KIAA2012: variants seen among roughly 807,000 people sequenced by gnomAD.
KIAA2012 encodes the protein uncharacterized protein KIAA2012.
In KIAA2012, 125 loss-of-function variants were observed where a neutral mutation model predicts 150.6. The observed-to-expected ratio is 0.83, with a 90% CI of 0.72 to 0.96. The LOEUF is 0.96. KIAA2012 is among the 40% of genes least tolerant of loss of function. The pLI, the probability that KIAA2012 is intolerant of heterozygous loss-of-function variation, is 0.00. For missense variants in KIAA2012, 1,219 were observed against 1,354.9 expected (o/e 0.90, Z 1.57); for synonymous variants, 462 against 504.7 (o/e 0.92, Z 1.13).
chr2:202,074,988 C>G lies in KIAA2012; in HGVS notation c.182C>G (p.Pro61Arg). ...CAGCACTCCTGGAGCCTCTTTCTCC[C>G]TAAAACTTTCAGTACTAGAAAGGGT... The part of the protein sequence containing the change: ...ASQHSWSLFL[P>R]KTFSTRKGAL... The change falls in exon 2 of 24, where the codon CCT (proline) becomes CGT (arginine). Residue 61 changes from proline to arginine, a missense_variant. Pro to Arg is a moderately radical substitution (Grantham distance 103). Coordinates refer to ENST00000498697, the MANE Select transcript of KIAA2012 (RefSeq NM_001277372.4). The G allele has an allele frequency of 6.4e-7, 1 of 1,550,790 alleles. No individual in the cohort carries two copies. The highest frequency in any genetic ancestry group is 8.7e-7 in the Non-Finnish European group (1 of 1,147,020).
chr2:202,089,814 G>C (rs145734813), intron 2 of KIAA2012, among the ~76,000 whole-genome samples: 76 of 152,348 alleles, frequency 5.0e-4, no homozygotes, highest in African/African-American at 1.6e-3. Flanking sequence ...CTGGGTGGAT[G>C]AAAATGTTCT....
chr2:202,168,595 G>A (rs1418697099), intron 15 of KIAA2012, among the ~76,000 whole-genome samples: 2 of 152,052 alleles, frequency 1.3e-5, no homozygotes, highest in Admixed American at 6.6e-5. Context: ...AGTCTGGGTG[G>A]CATAAGGGGT....
intron 2 of KIAA2012, among the ~76,000 whole-genome samples, chr2:202,086,215 A>G (rs1399446029): frequency 6.7e-6 from 1 of 150,334 alleles, no homozygotes; most frequent in Admixed American, 6.6e-5. Flanking sequence ...AGAAATGCCC[A>G]CTAATGAGAA....
chr2:202,100,555 A>G (rs1690017317), intron 7 of KIAA2012, 106 bp downstream of exon 7: 11 of 1,299,548 alleles, frequency 8.5e-6, no homozygotes, highest in Admixed American at 8.1e-5. Context: ...GATGTCTCAA[A>G]AGAGAACTGG....
intron 12 of KIAA2012, among the ~76,000 whole-genome samples, chr2:202,133,114 A>ATTT (rs1690992605): frequency 2.3e-5 from 2 of 85,322 alleles, no homozygotes; most frequent in African/African-American, 5.2e-5. Flanking sequence ...AAAAAAATAT[A>ATTT]TATATATATA....
chr2:202,201,364 A>C (rs182377472), intron 22 of KIAA2012: 364 of 1,584,514 alleles, frequency 2.3e-4, no homozygotes, highest in Admixed American at 6.5e-4. Flanking sequence ...CCCGGCACAA[A>C]GGTGGCCTTG....
intron 11 of KIAA2012, among the ~76,000 whole-genome samples, chr2:202,117,554 T>G (rs942673941): frequency 2.6e-5 from 4 of 152,184 alleles, no homozygotes; most frequent in Non-Finnish European, 5.9e-5. Context: ...AAGAAAAAAC[T>G]CTGGTTTTAT....
intron 2 of KIAA2012, among the ~76,000 whole-genome samples, chr2:202,088,958 C>A (rs911588524): frequency 6.6e-6 from 1 of 152,170 alleles, no homozygotes; most frequent in Non-Finnish European, 1.5e-5. Context: ...GCAGAGCAGG[C>A]CTTGAGCCCA....
intron 13 of KIAA2012, among the ~76,000 whole-genome samples, chr2:202,154,043 C>T (rs879486643): frequency 6.6e-6 from 1 of 152,212 alleles, no homozygotes; most frequent in African/African-American, 2.4e-5. Flanking sequence ...TGAAATGTGA[C>T]ACCCTTTGTA....
chr2:202,191,233 C>T (rs953099078), intron 19 of KIAA2012, among the ~76,000 whole-genome samples: 1 of 151,992 alleles, frequency 6.6e-6, no homozygotes, highest in African/African-American at 2.4e-5. Context: ...GCCGAGATCA[C>T]ACCACTGCAC....
rs761902625 is a variant in KIAA2012, at chr2:202,190,509, C to T, written c.2811+16C>T. ...CCCTTCCAAGGTAGGGTCTGATGTCCTCAGCTTGACAGAGGAAGTTCTGTT... is the reference window on the plus strand; with the variant it reads ...CCCTTCCAAGGTAGGGTCTGATGTCTTCAGCTTGACAGAGGAAGTTCTGTT... On this transcript the variant is annotated intron_variant, in intron 19 of 23. Coordinates refer to ENST00000498697, the MANE Select transcript of KIAA2012 (RefSeq NM_001277372.4). 3.4e-6 allele frequency: 5 copies of T among 1,467,956 alleles called. No individual in the cohort carries two copies. In the South Asian group the frequency reaches 5.6e-5, roughly 17 times the overall value. 90.9% of individuals were successfully genotyped at this position (1,467,956 alleles called of 1,614,324 possible).
At chr2:202,139,234 G>GAAAA (rs112360052) in intron 13 of KIAA2012, among the ~76,000 whole-genome samples, 15 of 116,364 alleles carry the variant, frequency 1.3e-4, no homozygotes, top group Admixed American at 3.5e-4. Context: ...CCTGTCTCAG[G>GAAAA]AAAAAAAAAA....
chr2:202,122,550 G>C (rs1160940918), intron 11 of KIAA2012, among the ~76,000 whole-genome samples: 2 of 148,988 alleles, frequency 1.3e-5, no homozygotes, highest in Non-Finnish European at 3.0e-5. Flanking sequence ...GCCCAGGCTG[G>C]AGTGCAGTGG....
At chr2:202,175,608 A>C (rs1691975599) in intron 15 of KIAA2012, among the ~76,000 whole-genome samples, 1 of 152,222 alleles carries the variant, frequency 6.6e-6, no homozygotes, top group Non-Finnish European at 1.5e-5. Flanking sequence ...GGTGCCCTCC[A>C]TGAACCAGAA....
At chr2:202,088,317 C>A (rs1248847760) in intron 2 of KIAA2012, among the ~76,000 whole-genome samples, 2 of 152,164 alleles carry the variant, frequency 1.3e-5, no homozygotes, top group Non-Finnish European at 2.9e-5. Context: ...AGTCTCCCAC[C>A]ACCTGGACAA....
In KIAA2012 at chr2:202,081,683, G is replaced by C. The variant is rs1242560950; in HGVS notation, c.369+6508G>C. On this transcript the variant is annotated intron_variant, in intron 2 of 23. Transcript: ENST00000498697. ...CTGCCTCAGCCTCCCTAGTAGCTGG[G>C]ATTACAGGCATGCACCACCACACCC... 6.6e-5 allele frequency among the ~76,000 whole-genome samples: 10 copies of C among 152,016 alleles called. No individual in the cohort carries two copies. In the East Asian group the frequency reaches 1.9e-3, roughly 29 times the overall value.
chr2:202,080,046 C>A (rs1689411486), intron 2 of KIAA2012, among the ~76,000 whole-genome samples: 1 of 152,136 alleles, frequency 6.6e-6, no homozygotes, highest in Non-Finnish European at 1.5e-5. Context: ...CTAATTTGCT[C>A]AAAATTACAA....
intron 2 of KIAA2012, among the ~76,000 whole-genome samples, chr2:202,088,330 A>G (rs1467733517): frequency 1.3e-5 from 2 of 152,216 alleles, no homozygotes; most frequent in African/African-American, 2.4e-5. Context: ...CTGGACAAGA[A>G]AAAGGAGAAA....
intron 23 of KIAA2012, among the ~76,000 whole-genome samples, chr2:202,203,040 C>G (rs1333039735): frequency 6.6e-6 from 1 of 152,142 alleles, no homozygotes; most frequent in Non-Finnish European, 1.5e-5. Flanking sequence ...TCCATTTCCA[C>G]CACTCCTCCA....
Sources: gnomAD v4.1 joint callset for allele counts (sites outside exome capture counted in the v4.1 genomes callset) on GRCh38, gnomAD v4.1.1 for gene constraint, MANE v1.5 for transcripts, NCBI Gene and HGNC (gene_info 2026-07-23, HGNC 2026-07-21) for gene names.